SHISA9: variants seen among roughly 807,000 people sequenced by gnomAD.
The protein encoded by SHISA9 is shisa family member 9.
Under a neutral mutation model 38.0 loss-of-function variants are expected in SHISA9, and 13 were observed. That is an observed-to-expected ratio of 0.34 (90% CI 0.22 to 0.54). SHISA9 has a LOEUF of 0.54. Ranked by LOEUF, SHISA9 falls within the 20% of genes least tolerant of loss-of-function variation. SHISA9 has a pLI of 0.91. For synonymous variants in SHISA9, 275 were observed against 242.0 expected, an observed-to-expected ratio of 1.14 and a Z score of -1.27; for missense variants, 538 against 575.8, an observed-to-expected ratio of 0.93 and a Z score of 0.67.
chr16:13,078,171 G>A (rs995851712), intron 2 of SHISA9, among the ~76,000 whole-genome samples: 1 of 152,180 alleles, frequency 6.6e-6, no homozygotes, highest in African/African-American at 2.4e-5. Context: ...TTGCCTCTTA[G>A]TATCCGCAGG....
the SHISA9 span, among the ~76,000 whole-genome samples, chr16:13,336,620 T>G: frequency 6.6e-6 from 1 of 152,220 alleles, no homozygotes; most frequent in African/African-American, 2.4e-5. Context: ...GAAATGTGTT[T>G]CCTACACCTG....
the SHISA9 span, among the ~76,000 whole-genome samples, chr16:13,534,305 A>T: frequency 2.0e-5 from 3 of 151,058 alleles, no homozygotes; most frequent in Admixed American, 2.0e-4. Flanking sequence ...GCTCACTGCA[A>T]CATTTACCTC....
At chr16:13,340,747 C>T in the SHISA9 span, among the ~76,000 whole-genome samples, 4 of 152,300 alleles carry the variant, frequency 2.6e-5, no homozygotes, top group South Asian at 8.3e-4. Flanking sequence ...CATGTCATCT[C>T]ATCTTTCATT....
intron 2 of SHISA9, among the ~76,000 whole-genome samples, chr16:13,028,179 C>T (rs1288330710): frequency 6.6e-6 from 1 of 151,878 alleles, no homozygotes. Context: ...AAACTGTGTA[C>T]TTAACATGGG....
intron 2 of SHISA9, among the ~76,000 whole-genome samples, chr16:12,964,048 C>A (rs2071946305): frequency 6.6e-6 from 1 of 152,230 alleles, no homozygotes; most frequent in Non-Finnish European, 1.5e-5. Context: ...ACTAATAACA[C>A]TGACAGATCA....
At chr16:13,151,661 T>G (rs1199772300) in intron 2 of SHISA9, among the ~76,000 whole-genome samples, 1 of 152,214 alleles carries the variant, frequency 6.6e-6, no homozygotes, top group Non-Finnish European at 1.5e-5. Flanking sequence ...TACAAGCTCT[T>G]GAACTAAATA....
At chr16:12,960,779 C>T (rs1442915069) in intron 2 of SHISA9, among the ~76,000 whole-genome samples, 7 of 152,166 alleles carry the variant, frequency 4.6e-5, no homozygotes, top group African/African-American at 1.4e-4. Flanking sequence ...GTTCCGTCCT[C>T]TTCCCTCCTC....
At chr16:12,998,560 C>T (rs185629292) in intron 2 of SHISA9, among the ~76,000 whole-genome samples, 32 of 152,236 alleles carry the variant, frequency 2.1e-4, no homozygotes, top group East Asian at 9.6e-4. Context: ...GACAATGTCT[C>T]GCTCTGTTGG....
At chr16:13,283,473 G>C in the SHISA9 span, among the ~76,000 whole-genome samples, 1 of 152,114 alleles carries the variant, frequency 6.6e-6, no homozygotes, top group Non-Finnish European at 1.5e-5. Context: ...CACAATCGTA[G>C]TGGAAGGCAA....
intron 2 of SHISA9, among the ~76,000 whole-genome samples, chr16:12,951,597 T>C (rs2071758050): frequency 6.6e-6 from 1 of 152,144 alleles, no homozygotes; most frequent in Admixed American, 6.5e-5. Flanking sequence ...CTGTGAACTG[T>C]TAGCAGCCAG....
At chr16:12,969,099 G>A (rs1474886318) in intron 2 of SHISA9, among the ~76,000 whole-genome samples, 2 of 151,340 alleles carry the variant, frequency 1.3e-5, no homozygotes, top group East Asian at 3.9e-4. Flanking sequence ...AAAGGTTACA[G>A]TGAGCTGAGA....
At chr16:13,503,346 A>G in the SHISA9 span, among the ~76,000 whole-genome samples, 1 of 152,228 alleles carries the variant, frequency 6.6e-6, no homozygotes, top group African/African-American at 2.4e-5. Context: ...GCTGAGTAAC[A>G]GATCACACCA....
chr16:13,471,430 C>T, the SHISA9 span, among the ~76,000 whole-genome samples: 2 of 152,228 alleles, frequency 1.3e-5, no homozygotes, highest in East Asian at 1.9e-4. Flanking sequence ...TTTCTAGATC[C>T]GACTCTCTCC....
intron 2 of SHISA9, among the ~76,000 whole-genome samples, chr16:12,986,791 A>G (rs1393047717): frequency 1.3e-5 from 2 of 152,216 alleles, no homozygotes; most frequent in African/African-American, 2.4e-5. Flanking sequence ...AAGTACAACC[A>G]TTATCCCCAA....
At chr16:13,325,261 G>A in the SHISA9 span, among the ~76,000 whole-genome samples, 31 of 152,232 alleles carry the variant, frequency 2.0e-4, no homozygotes, top group Admixed American at 1.4e-3. Context: ...GCTACCTGTC[G>A]TGTGTCATGT....
chr16:13,186,341 A>G (rs2050822860), intron 2 of SHISA9, among the ~76,000 whole-genome samples: 1 of 123,270 alleles, frequency 8.1e-6, no homozygotes, highest in Non-Finnish European at 1.6e-5. Flanking sequence ...TCTGTCACCC[A>G]GGCTGGAGTG....
intron 2 of SHISA9, among the ~76,000 whole-genome samples, chr16:12,983,196 C>A (rs1370148743): frequency 6.6e-6 from 1 of 152,156 alleles, no homozygotes; most frequent in Non-Finnish European, 1.5e-5. Context: ...ATAATAGGCC[C>A]AGAGAGCGAA....
chr16:13,469,338 GAAAGAAAGAAAGAAAGAAAGAAAAGAA>G, the SHISA9 span, among the ~76,000 whole-genome samples: 4 of 112,904 alleles, frequency 3.5e-5, no homozygotes, highest in African/African-American at 6.9e-5. Flanking sequence ...AAGAAAGAAA[GAAAGAAAGAAAGAAAGAAAGAAAAGAA>G]AAAGAAAGAA....
At chr16:13,410,428 T>C in the SHISA9 span, among the ~76,000 whole-genome samples, 1 of 152,206 alleles carries the variant, frequency 6.6e-6, no homozygotes, top group East Asian at 1.9e-4. Flanking sequence ...TTTTCATAAA[T>C]GATACGTCAT....
Sources: allele counts gnomAD v4.1 joint callset (sites outside exome capture counted in the v4.1 genomes callset), GRCh38; gene constraint gnomAD v4.1.1; transcripts MANE v1.5; gene names NCBI Gene and HGNC (gene_info 2026-07-23, HGNC 2026-07-21).